Variants in NSF observed in about 807,000 individuals in gnomAD.
NSF encodes the protein vesicle-fusing ATPase.
A neutral mutation model predicts 50.3 loss-of-function variants in NSF; 14 were observed. That is an observed-to-expected ratio of 0.28 (90% CI 0.18 to 0.44). The LOEUF (loss-of-function observed/expected upper bound fraction) is 0.44, where lower values mean the gene tolerates loss of function less well. Among genes scored for constraint, NSF ranks in the 20% least tolerant of loss-of-function variants. The pLI is 1.00. For synonymous variants in NSF, 109 were observed against 175.7 expected, an observed-to-expected ratio of 0.62 and a Z score of 3.00; for missense variants, 218 against 504.3, an observed-to-expected ratio of 0.43 and a Z score of 5.44.
chr17:46,748,895 T>C lies in NSF; in HGVS notation c.1909-878T>C, dbSNP rs539531689. Among the ~76,000 whole-genome samples, 4 of 152,312 alleles carry C rather than the reference T, an allele frequency of 2.6e-5. No homozygotes were observed. In the South Asian group the frequency reaches 8.3e-4, roughly 32 times the overall value. The stretch of plus-strand genomic sequence containing the variant: ...AAATTGAATAGTACTCTGCATGGCC[T>C]AGCTGTAAACCACATTTGTATAAAC... On this transcript the variant is annotated intron_variant, in intron 17 of 20. Transcript: ENST00000398238.
In NSF at chr17:46,726,612, C is replaced by T. The variant is rs749703543; in HGVS notation, c.1825C>T (p.Leu609Phe). 15 of 1,613,428 alleles carry T rather than the reference C, an allele frequency of 9.3e-6. No individual in the cohort carries two copies. The Middle Eastern group carries it at 1.5e-3, about 160-fold the overall frequency. The change falls in exon 16 of 21, where the codon CTT becomes TTT. Residue 609 changes from leucine (L) to phenylalanine (F), a missense_variant. Transcript: ENST00000398238. ...CVVVDDIERLLDYVPIGPRFS... is the reference protein window; with the variant it reads ...CVVVDDIERLFDYVPIGPRFS... ...GGTTGTGGATGACATTGAGAGATTG[C>T]TTGGTGAGTCCTAACTTCTGCTGTT...
At chr17:46,715,961 T>C (rs1030032195) in intron 15 of NSF, among the ~76,000 whole-genome samples, 9 of 152,322 alleles carry the variant, frequency 5.9e-5, no homozygotes, top group Middle Eastern at 3.4e-3. Context: ...TTCAGCAGTA[T>C]AACAAATTTA....
At chr17:46,655,892 G>T (rs1216044338) in intron 8 of NSF, among the ~76,000 whole-genome samples, 6 of 88,986 alleles carry the variant, frequency 6.7e-5, no homozygotes, top group South Asian at 3.3e-4. Flanking sequence ...TTTTTTTCAT[G>T]TTATCTAGAA....
intron 9 of NSF, among the ~76,000 whole-genome samples, chr17:46,684,482 G>C (rs554226289): frequency 1.3e-5 from 2 of 152,180 alleles, no homozygotes; most frequent in South Asian, 2.1e-4. Flanking sequence ...GGGTCAAATG[G>C]TATTTCTGGT....
intron 13 of NSF, 79 bp from the exon 14 acceptor site, chr17:46,710,884 A>G: frequency 7.8e-7 from 1 of 1,281,924 alleles, no homozygotes; most frequent in Non-Finnish European, 1.1e-6. Context: ...TTTAGCATGT[A>G]CGGATTATAA....
intron 13 of NSF, among the ~76,000 whole-genome samples, chr17:46,705,729 C>A (rs2058652691): frequency 7.4e-6 from 1 of 135,428 alleles, no homozygotes; most frequent in African/African-American, 2.8e-5. Context: ...ATCAGGGATC[C>A]CCAACCCTCA....
At chr17:46,728,794 G>A in intron 16 of NSF, 61 bp from the exon 17 acceptor site, 3 of 1,056,292 alleles carry the variant, frequency 2.8e-6, no homozygotes, top group Non-Finnish European at 4.1e-6. Context: ...AACAAAAACT[G>A]AATGTTTGGA....
intron 9 of NSF, among the ~76,000 whole-genome samples, chr17:46,679,337 TA>T (rs962647132): frequency 7.1e-6 from 1 of 140,932 alleles, no homozygotes; most frequent in Admixed American, 7.1e-5. Flanking sequence ...TTAAAAGTTT[TA>T]AAAATAAATT....
intron 4 of NSF, among the ~76,000 whole-genome samples, chr17:46,637,044 C>T (rs1243470260): frequency 1.4e-5 from 2 of 147,302 alleles, no homozygotes; most frequent in Non-Finnish European, 3.0e-5. Context: ...TTAGTAGAGA[C>T]GGGGTTTCAC....
intron 15 of NSF, among the ~76,000 whole-genome samples, chr17:46,716,989 T>C (rs1371495038): frequency 1.3e-5 from 2 of 152,196 alleles, no homozygotes; most frequent in Non-Finnish European, 2.9e-5. Flanking sequence ...TTAGGTTGTT[T>C]CCAGGTTTTT....
At chr17:46,614,292 ATTGT>A (rs1316863392) in intron 1 of NSF, among the ~76,000 whole-genome samples, 1 of 137,058 alleles carries the variant, frequency 7.3e-6, no homozygotes, top group Non-Finnish European at 1.5e-5. Flanking sequence ...TAGACTCTTG[ATTGT>A]TTATGTGTGC....
intron 16 of NSF, among the ~76,000 whole-genome samples, chr17:46,727,897 G>A (rs1442766474): frequency 6.6e-6 from 1 of 152,190 alleles, no homozygotes; most frequent in Non-Finnish European, 1.5e-5. Context: ...TCTGGTAGAA[G>A]TATTAGAGTC....
At chr17:46,688,351 T>C (rs2058512454) in intron 9 of NSF, among the ~76,000 whole-genome samples, 1 of 146,624 alleles carries the variant, frequency 6.8e-6, no homozygotes, top group Non-Finnish European at 1.5e-5. Flanking sequence ...TCTCTAAAAA[T>C]AAAAATAAAA....
intron 15 of NSF, among the ~76,000 whole-genome samples, chr17:46,717,743 G>A (rs2058787348): frequency 6.6e-6 from 1 of 152,176 alleles, no homozygotes; most frequent in African/African-American, 2.4e-5. Context: ...GTCGTTCGGG[G>A]AGTGGGCCTG....
In NSF at chr17:46,755,793, C is replaced by G. The variant is rs748555266; in HGVS notation, c.2214-9C>G. On this transcript the variant is annotated splice_polypyrimidine_tract_variant and intron_variant, in intron 20 of 20. Transcript: ENST00000398238. ...TCTGTTTTTTTGTGTTTTGGTATTT[C>G]TTTTGCAGTAGCCCCCTTGATTTTG... 67 of 1,450,582 alleles carry G rather than the reference C, an allele frequency of 4.6e-5. No homozygotes were observed. The highest frequency in any genetic ancestry group is 5.4e-5 in the Non-Finnish European group (59 of 1,100,088). The allele number at this position is 1,450,582 out of a possible 1,614,324, so 89.9% of individuals were successfully genotyped here.
intron 15 of NSF, among the ~76,000 whole-genome samples, chr17:46,717,494 T>G (rs1475247742): frequency 6.6e-6 from 1 of 152,064 alleles, no homozygotes; most frequent in Non-Finnish European, 1.5e-5. Flanking sequence ...GGGGGGATCA[T>G]GAGGTCAGGA....
chr17:46,708,346 C>T (rs2058677026), intron 13 of NSF, among the ~76,000 whole-genome samples: 1 of 152,126 alleles, frequency 6.6e-6, no homozygotes, highest in South Asian at 2.1e-4. Context: ...CACATGCTCA[C>T]CAACAAATTA....
In NSF at chr17:46,657,970, A is replaced by AT. The variant is rs200879873; in HGVS notation, c.745+14725dup. Among the ~76,000 whole-genome samples the AT allele has an allele frequency of 6.9e-3, 102 of 14,834 alleles. 13 individuals carry two copies. In the East Asian group the frequency reaches 0.12, roughly 18 times the overall value. 9.7% of individuals were successfully genotyped at this position (14,834 alleles called of 152,430 possible). A position where few individuals can be genotyped will look rare whatever the true frequency, so the allele number is the denominator to read the frequency against. On this transcript the variant is annotated intron_variant, in intron 8 of 20. Transcript: ENST00000398238. ...TTTTTGTTTTTATTTTATTTTATTT[A>AT]TTTTTTTTTTTTTTGGCGGGGTGGG...
intron 14 of NSF, among the ~76,000 whole-genome samples, chr17:46,711,910 AG>A (rs1393576761): frequency 6.6e-6 from 1 of 152,198 alleles, no homozygotes; most frequent in Admixed American, 6.5e-5. Context: ...TGAAAGAGAA[AG>A]GGAGATTATC....
Sources: gnomAD v4.1 joint callset for allele counts (sites outside exome capture counted in the v4.1 genomes callset) on GRCh38, gnomAD v4.1.1 for gene constraint, MANE v1.5 for transcripts, NCBI Gene and HGNC (gene_info 2026-07-23, HGNC 2026-07-21) for gene names.